GNAI1: variants seen among roughly 807,000 people sequenced by gnomAD.
The protein encoded by GNAI1 is guanine nucleotide-binding protein G(i) subunit alpha-1.
Under a neutral mutation model 38.9 loss-of-function variants are expected in GNAI1, and 11 were observed. The ratio of observed to expected loss-of-function variants is 0.28; its 90% CI spans 0.18 to 0.47. The LOEUF is 0.47. Ranked by LOEUF, GNAI1 falls within the 20% of genes least tolerant of loss-of-function variation. The probability of loss-of-function intolerance (pLI) is 0.99; values close to 1 mark genes in which losing one functional copy is unlikely to be tolerated. For missense variants in GNAI1, 317 were observed against 436.9 expected, an observed-to-expected ratio of 0.73 and a Z score of 2.45; for synonymous variants, 166 against 145.1, an observed-to-expected ratio of 1.14 and a Z score of -1.04.
At chr7:80,149,222 ATATG>A (rs957174406) in intron 1 of GNAI1, among the ~76,000 whole-genome samples, 1 of 138,794 alleles carries the variant, frequency 7.2e-6, no homozygotes, top group Non-Finnish European at 1.5e-5. Context: ...TAGTGGCTAT[ATATG>A]TTTTACAGAT....
chr7:80,155,032 T>A (rs1309138498), intron 1 of GNAI1, among the ~76,000 whole-genome samples: 2 of 152,230 alleles, frequency 1.3e-5, no homozygotes, highest in Non-Finnish European at 2.9e-5. Flanking sequence ...ATACATTGCT[T>A]ATTTTTTCCA....
intron 1 of GNAI1, among the ~76,000 whole-genome samples, chr7:80,184,162 G>A (rs539203079): frequency 1.6e-4 from 24 of 152,288 alleles, no homozygotes; most frequent in African/African-American, 5.1e-4. Context: ...TACCTCCTCA[G>A]AAGAAAGAAT....
chr7:80,164,385 C>A (rs1048482482), intron 1 of GNAI1, among the ~76,000 whole-genome samples: 3 of 148,052 alleles, frequency 2.0e-5, no homozygotes, highest in Non-Finnish European at 4.5e-5. Context: ...TTTTTTGAGA[C>A]GGAGTCTTGC....
intron 3 of GNAI1, among the ~76,000 whole-genome samples, chr7:80,194,994 T>C (rs1343895227): frequency 6.6e-6 from 1 of 151,956 alleles, no homozygotes; most frequent in Non-Finnish European, 1.5e-5. Context: ...TTCTGAAAAA[T>C]ATTGATATAT....
chr7:80,217,164 AG>A (rs1788983267), intron 7 of GNAI1, 138 bp from the exon 8 acceptor site: 1 of 229,574 alleles, frequency 4.4e-6, no homozygotes, highest in Non-Finnish European at 7.8e-6. Context: ...CCATTCTAGA[AG>A]GGAAAGCACA....
Position 80,189,006 on chromosome 7 carries a change from A to T in GNAI1, c.161+13A>T. 6.2e-7 allele frequency: 1 copy of T among 1,606,588 alleles called. No individual in the cohort carries two copies. Among genetic ancestry groups the T allele is most frequent in the East Asian group, 2.2e-5 (1 of 44,810 alleles). On this transcript the variant is annotated intron_variant, in intron 2 of 7. Transcript: ENST00000649796. ...TGAAGCAGATGAAGTAAGTAGATTTAAACACCAAATTTGCTGTTTAAGTTA... is the reference window on the plus strand; with the variant it reads ...TGAAGCAGATGAAGTAAGTAGATTTTAACACCAAATTTGCTGTTTAAGTTA...
intron 1 of GNAI1, among the ~76,000 whole-genome samples, chr7:80,152,276 G>C (rs942748780): frequency 6.6e-6 from 1 of 152,044 alleles, no homozygotes; most frequent in Non-Finnish European, 1.5e-5. Flanking sequence ...GCAATTAAAT[G>C]GTATTTTTCC....
In GNAI1 at chr7:80,186,222, A is replaced by G. The variant is rs1026644576; in HGVS notation, c.119-2729A>G. ...TAATTTTTGTATTTTTAGTAGAGAC[A>G]GGATTTCACCATATTGGCCAGGCTG... On this transcript the variant is annotated intron_variant, in intron 1 of 7. Coordinates refer to ENST00000649796, the MANE Select transcript of GNAI1 (RefSeq NM_002069.6). Among the ~76,000 whole-genome samples the G allele has an allele frequency of 4.0e-5, 6 of 151,880 alleles. No homozygotes were observed. In the East Asian group the frequency reaches 1.2e-3, roughly 29 times the overall value.
At chr7:80,155,149 A>G (rs909766430) in intron 1 of GNAI1, among the ~76,000 whole-genome samples, 1 of 152,144 alleles carries the variant, frequency 6.6e-6, no homozygotes, top group African/African-American at 2.4e-5. Flanking sequence ...GGATTATGCA[A>G]TTTTTGAAGT....
chr7:80,176,248 C>G (rs571029720), intron 1 of GNAI1, among the ~76,000 whole-genome samples: 1 of 152,334 alleles, frequency 6.6e-6, no homozygotes, highest in East Asian at 1.9e-4. Context: ...TAAGCCGTAT[C>G]TAGGCCCTAC....
Position 80,189,199 on chromosome 7 carries a change from T to A in GNAI1, c.271T>A (p.Leu91Met). 6.2e-7 allele frequency: 1 copy of A among 1,610,434 alleles called. No individual in the cohort carries two copies. ...IIAIIRAMGR[L>M]KIDFGDSARA... is the part of the protein sequence containing the mutation. ...TGCTATCATTAGGGCTATGGGGAGG[T>A]TGAAGATAGACTTTGGTGACTCAGC... is the stretch of plus-strand genomic sequence containing the variant. Residue 91 changes from leucine to methionine, a missense_variant, in exon 3 of 8, where the codon TTG (leucine) becomes ATG (methionine). By Grantham distance (15) the Leu-to-Met change is conservative. Around this residue, in one of 5 missense-constraint regions of GNAI1, gnomAD observed 67 missense variants for 61.5 expected, o/e 1.09. Coordinates refer to ENST00000649796, the MANE Select transcript of GNAI1 (RefSeq NM_002069.6).
At position 80,223,395 on chromosome 7, in the gene GNAI1, T is replaced by G. The variant is rs900060272; in HGVS notation, c.*5902T>G. ...GTACAATTTCAGTGTAAAGCTAGTC[T>G]TCAAAATAAACCACTGTGAAGATTG... On this transcript the variant is annotated 3_prime_UTR_variant, in exon 8 of 8. Transcript: ENST00000649796. 6.6e-6 allele frequency among the ~76,000 whole-genome samples: 1 copy of G among 152,254 alleles called. No homozygotes were observed. The highest frequency in any genetic ancestry group is 2.4e-5 in the African/African-American group (1 of 41,466).
Position 80,134,858 on chromosome 7 carries a change from G to A in GNAI1, c.-303G>A, listed in dbSNP as rs2465481. The stretch of plus-strand genomic sequence containing the variant: ...GCTCGGCTGGGCTTGGCGAGGCTGC[G>A]GCGCGGCCACCGGCGGGAGTGCAGC... On this transcript the variant is annotated 5_prime_UTR_variant, in exon 1 of 8. Coordinates refer to ENST00000649796, the MANE Select transcript of GNAI1 (RefSeq NM_002069.6). 0.42 allele frequency: 85,640 copies of A among 205,828 alleles called. 21,461 individuals carry two copies. Among genetic ancestry groups the A allele is most frequent in the Non-Finnish European group, 0.52 (54,115 of 103,602 alleles). 12.8% of individuals were successfully genotyped at this position (205,828 alleles called of 1,614,324 possible).
chr7:80,171,051 G>C (rs1788090974), intron 1 of GNAI1, among the ~76,000 whole-genome samples: 1 of 152,048 alleles, frequency 6.6e-6, no homozygotes, highest in South Asian at 2.1e-4. Flanking sequence ...GGTTCTCTTA[G>C]TCCTAGAGCA....
chr7:80,180,146 G>A (rs1028684224), intron 1 of GNAI1, among the ~76,000 whole-genome samples: 3 of 152,072 alleles, frequency 2.0e-5, no homozygotes, highest in African/African-American at 7.2e-5. Context: ...AAACATGAGC[G>A]CAATTAGACT....
chr7:80,213,852 TTAA>T (rs1028585289), intron 7 of GNAI1, among the ~76,000 whole-genome samples: 3 of 151,920 alleles, frequency 2.0e-5, no homozygotes, highest in African/African-American at 7.3e-5. Flanking sequence ...GTTTTTTTTT[TTAA>T]AAGTCTCAAG....
At chr7:80,149,848 T>G (rs1379347794) in intron 1 of GNAI1, among the ~76,000 whole-genome samples, 6 of 152,148 alleles carry the variant, frequency 3.9e-5, no homozygotes, top group Admixed American at 3.3e-4. Context: ...TTTATATGCC[T>G]TCAGGATATA....
rs1043550338 is a variant in GNAI1 at position 80,140,879 on chromosome 7, C to T, written c.118+5601C>T. Among the ~76,000 whole-genome samples the T allele has an allele frequency of 2.6e-5, 4 of 152,158 alleles. No homozygotes were observed. In the East Asian group the frequency reaches 5.8e-4, roughly 22 times the overall value. On this transcript the variant is annotated intron_variant, in intron 1 of 7. Transcript: ENST00000649796. ...TAGGGCTTCTTTTCTTCTGGAGATT[C>T]TAGAGGAGAATCCATTCCCTTGCCT... is the stretch of plus-strand genomic sequence containing the variant.
rs1272039290 is a variant in GNAI1, at chr7:80,169,905, T to C, written c.119-19046T>C. ...TCTATAGATTTGACATTTCTGGACA[T>C]TTCGTATAAATGGAATCATATAATA... On this transcript the variant is annotated intron_variant, in intron 1 of 7. Transcript: ENST00000649796. Among the ~76,000 whole-genome samples the C allele has an allele frequency of 2.0e-5, 3 of 152,300 alleles. No homozygotes were observed. The East Asian group carries it at 5.8e-4, about 29-fold the overall frequency.
Sources: gnomAD v4.1 joint callset for allele counts (sites outside exome capture counted in the v4.1 genomes callset) on GRCh38, gnomAD v4.1.1 for gene constraint, gnomAD v4.1.1 regional missense constraint, MANE v1.5 for transcripts, NCBI Gene and HGNC (gene_info 2026-07-23, HGNC 2026-07-21) for gene names.